Variants in TRABD2B observed in about 807,000 individuals in gnomAD.
TRABD2B encodes the protein metalloprotease TIKI2.
A neutral mutation model predicts 40.1 loss-of-function variants in TRABD2B; 14 were observed. The ratio of observed to expected loss-of-function variants is 0.35; its 90% CI spans 0.23 to 0.55. TRABD2B has a LOEUF of 0.55. Among genes scored for constraint, TRABD2B ranks in the 20% least tolerant of loss-of-function variants. TRABD2B has a pLI of 0.90. For synonymous variants in TRABD2B, 263 were observed against 277.0 expected (o/e 0.95, Z 0.50); for missense variants, 541 against 648.6 (o/e 0.83, Z 1.80).
rs544927020 is a variant in TRABD2B, at chr1:47,763,951, C to A, written c.*1951G>T. 3 of 152,400 alleles carry A rather than the reference C, an allele frequency of 2.0e-5. No individual in the cohort carries two copies. Among genetic ancestry groups the A allele is most frequent in the Non-Finnish European group, 4.4e-5 (3 of 68,062 alleles). The allele number at this position is 152,400 out of a possible 1,614,324, so 9.4% of individuals were successfully genotyped here. A position where few individuals can be genotyped will look rare whatever the true frequency, so the allele number is the denominator to read the frequency against. ...GTCAAGTTCAGTTTAGAGCATGGTG[C>A]CCACAGGGCTGGCTGGGCCCTCTAA... On this transcript the variant is annotated 3_prime_UTR_variant, in exon 7 of 7. Transcript: ENST00000606738.
intron 2 of TRABD2B, among the ~76,000 whole-genome samples, chr1:47,989,461 G>A (rs149837453): frequency 6.6e-5 from 10 of 152,224 alleles, no homozygotes; most frequent in East Asian, 5.8e-4. Flanking sequence ...TGCTGGCCCC[G>A]CCAGGGTGTA....
chr1:47,952,649 ATG>A (rs1645362248), intron 2 of TRABD2B, among the ~76,000 whole-genome samples: 1 of 152,154 alleles, frequency 6.6e-6, no homozygotes, highest in South Asian at 2.1e-4. Flanking sequence ...CTGGACTCAC[ATG>A]TGTCTGTCTA....
intron 2 of TRABD2B, among the ~76,000 whole-genome samples, chr1:47,993,105 G>C (rs369133453): frequency 6.6e-6 from 1 of 152,224 alleles, no homozygotes; most frequent in African/African-American, 2.4e-5. Flanking sequence ...TTAATGGGCA[G>C]CACGTCTCTG....
chr1:47,983,440 T>C (rs1645870546), intron 2 of TRABD2B, among the ~76,000 whole-genome samples: 1 of 151,996 alleles, frequency 6.6e-6, no homozygotes, highest in Admixed American at 6.6e-5. Flanking sequence ...GTGACAGTAG[T>C]TTACATACGT....
chr1:47,904,222 G>A (rs1306022196), intron 2 of TRABD2B, among the ~76,000 whole-genome samples: 1 of 152,164 alleles, frequency 6.6e-6, no homozygotes, highest in East Asian at 1.9e-4. Context: ...AAGATGGGTG[G>A]AAAGAATGTG....
chr1:47,835,495 T>A (rs1273246863), intron 2 of TRABD2B, among the ~76,000 whole-genome samples: 1 of 152,042 alleles, frequency 6.6e-6, no homozygotes, highest in Non-Finnish European at 1.5e-5. Flanking sequence ...AATCAAGCTG[T>A]CAAAAGCCAA....
intron 2 of TRABD2B, among the ~76,000 whole-genome samples, chr1:47,825,201 T>A (rs975616139): frequency 1.3e-5 from 2 of 152,124 alleles, no homozygotes; most frequent in South Asian, 4.1e-4. Flanking sequence ...ATTCTCACAA[T>A]AGCCATTTTG....
intron 2 of TRABD2B, among the ~76,000 whole-genome samples, chr1:47,977,048 T>C (rs1260894893): frequency 1.3e-5 from 2 of 151,772 alleles, no homozygotes; most frequent in Non-Finnish European, 1.5e-5. Context: ...TTTAGCTTTA[T>C]GCAATTTTAA....
intron 6 of TRABD2B, among the ~76,000 whole-genome samples, chr1:47,771,475 G>C (rs1309076509): frequency 6.6e-6 from 1 of 152,156 alleles, no homozygotes. Flanking sequence ...AATCTAGATG[G>C]CCCAGACATT....
At chr1:47,810,666 A>G (rs956216809) in intron 2 of TRABD2B, among the ~76,000 whole-genome samples, 4 of 152,342 alleles carry the variant, frequency 2.6e-5, no homozygotes, top group Admixed American at 6.5e-5. Flanking sequence ...GTGACTGAAG[A>G]GCAGTGATTG....
intron 2 of TRABD2B, among the ~76,000 whole-genome samples, chr1:47,866,982 T>C (rs994986268): frequency 6.6e-6 from 1 of 152,042 alleles, no homozygotes; most frequent in Non-Finnish European, 1.5e-5. Context: ...TACCTGCTGG[T>C]AGGAGGAGGC....
chr1:47,937,462 C>A (rs897667034), intron 2 of TRABD2B, among the ~76,000 whole-genome samples: 1 of 152,054 alleles, frequency 6.6e-6, no homozygotes, highest in African/African-American at 2.4e-5. Flanking sequence ...ACCATCATCA[C>A]CACCACTGTC....
At chr1:47,799,669 C>T (rs187285281) in intron 3 of TRABD2B, among the ~76,000 whole-genome samples, 15 of 152,230 alleles carry the variant, frequency 9.9e-5, no homozygotes, top group Admixed American at 5.2e-4. Flanking sequence ...TGGCCCGGCC[C>T]GGTCTGTCTG....
chr1:47,797,168 TCTAAGA>T lies in TRABD2B; in HGVS notation c.814-2414_814-2409del, dbSNP rs929432673. 6.4e-4 allele frequency among the ~76,000 whole-genome samples: 97 copies of T among 152,352 alleles called. 1 individual carries two copies. Among genetic ancestry groups the T allele is most frequent in the African/African-American group, 2.1e-3 (89 of 41,586 alleles). ...TAGAACCAGAAAGTGACTTGGCCTC[TCTAAGA>T]CTAAGTTTCCAAATTGGTAACATGG... On this transcript the variant is annotated intron_variant, in intron 3 of 6. Transcript: ENST00000606738.
rs141344901 is a variant in TRABD2B at position 47,921,045 on chromosome 1, C to T, written c.666+72989G>A. Among the ~76,000 whole-genome samples the T allele has an allele frequency of 1.2e-4, 18 of 152,310 alleles. No individual in the cohort carries two copies. The East Asian group carries it at 3.3e-3, about 28-fold the overall frequency. On this transcript the variant is annotated intron_variant, in intron 2 of 6. Transcript: ENST00000606738. ...AATTTAGAAACACCTTTGAGGTTTG[C>T]ACTCTCAACTTGCTGCACCATACTT...
At chr1:47,963,451 A>G (rs1645552041) in intron 2 of TRABD2B, among the ~76,000 whole-genome samples, 1 of 152,206 alleles carries the variant, frequency 6.6e-6, no homozygotes, top group Admixed American at 6.5e-5. Flanking sequence ...AGCACTTAGG[A>G]GAAAAAGAGC....
intron 2 of TRABD2B, among the ~76,000 whole-genome samples, chr1:47,816,873 G>T (rs528655474): frequency 1.1e-4 from 17 of 152,352 alleles, no homozygotes; most frequent in Admixed American, 9.8e-4. Flanking sequence ...GAGGCACAGA[G>T]AGGTTAAGTG....
intron 2 of TRABD2B, among the ~76,000 whole-genome samples, chr1:47,856,744 T>A (rs1230857934): frequency 6.6e-6 from 1 of 152,238 alleles, no homozygotes; most frequent in South Asian, 2.1e-4. Context: ...TCACCACCTA[T>A]GCTAAAAGAG....
intron 4 of TRABD2B, among the ~76,000 whole-genome samples, chr1:47,787,982 T>C (rs940284062): frequency 6.6e-6 from 1 of 152,052 alleles, no homozygotes; most frequent in Non-Finnish European, 1.5e-5. Flanking sequence ...CTGGATGGAT[T>C]TTTTAGGGAT....
Sources: allele counts gnomAD v4.1 joint callset (sites outside exome capture counted in the v4.1 genomes callset), GRCh38; gene constraint gnomAD v4.1.1; transcripts MANE v1.5; gene names NCBI Gene and HGNC (gene_info 2026-07-23, HGNC 2026-07-21).